The following ABCC6 variants were observed in gnomAD, a reference collection of about 807,000 sequenced individuals.
ABCC6 encodes the protein ATP binding cassette subfamily C member 6.
In ABCC6, 126 loss-of-function variants were observed where a neutral mutation model predicts 169.5. The ratio of observed to expected loss-of-function variants is 0.74; its 90% CI spans 0.64 to 0.86. The LOEUF (loss-of-function observed/expected upper bound fraction) is 0.86. Ranked by LOEUF, ABCC6 falls within the 40% of genes least tolerant of loss-of-function variation. The probability of loss-of-function intolerance (pLI) is 0.00; values close to 1 mark genes in which losing one functional copy is unlikely to be tolerated. For missense variants in ABCC6, 1,733 were observed against 1,927.2 expected (o/e 0.90, Z 1.89); for synonymous variants, 752 against 814.7 (o/e 0.92, Z 1.31).
At chr16:16,155,365 T>C (rs200844808) in intron 27 of ABCC6, 3 of 243,768 alleles carry the variant, frequency 1.2e-5, no homozygotes, top group South Asian at 1.0e-4. Flanking sequence ...CCCATCCATC[T>C]GTCTGTCCGT....
At position 16,203,525 on chromosome 16, in the gene ABCC6, G is replaced by T. The variant is rs1176189532; in HGVS notation, c.883C>A (p.Gln295Lys). The T allele has an allele frequency of 1.9e-6, 3 of 1,614,000 alleles. No individual in the cohort carries two copies. The highest frequency in any genetic ancestry group is 2.2e-5 in the South Asian group (2 of 91,076). The part of the protein sequence containing the change: ...TEPFLRQEGS[Q>K]WRPLLKAIWQ... Reference sequence around the variant, plus strand: ...ATGGCCTTCAGCAGTGGGCGCCACTGGCTCCCTTCTTGCCGTAGGAAGGGC... The same window carrying T: ...ATGGCCTTCAGCAGTGGGCGCCACTTGCTCCCTTCTTGCCGTAGGAAGGGC... Residue 295 changes from glutamine (Q) to lysine (K), a missense_variant, in exon 8 of 31, where the codon CAG (glutamine) becomes AAG (lysine). This residue lies in a region of ABCC6 where 1,601 missense variants were observed against 1,635.5 expected (regional missense o/e 0.98). Transcript: ENST00000205557.
intron 6 of ABCC6, among the ~76,000 whole-genome samples, chr16:16,209,343 CA>C (rs2048514835): frequency 6.6e-6 from 1 of 152,120 alleles, no homozygotes; most frequent in Non-Finnish European, 1.5e-5. Context: ...CTCAGCCTCC[CA>C]AAGTGCTGGG....
intron 23 of ABCC6, among the ~76,000 whole-genome samples, chr16:16,163,474 G>T (rs996289816): frequency 2.0e-5 from 3 of 152,130 alleles, no homozygotes; most frequent in Non-Finnish European, 4.4e-5. Flanking sequence ...CTTGACTTTG[G>T]TGCTGTTTAA....
chr16:16,192,226 G>A (rs1327404353), intron 11 of ABCC6, among the ~76,000 whole-genome samples: 1 of 152,164 alleles, frequency 6.6e-6, no homozygotes, highest in Admixed American at 6.6e-5. Flanking sequence ...CAGGTTTGAG[G>A]ATGGGAGATG....
intron 15 of ABCC6, among the ~76,000 whole-genome samples, chr16:16,183,365 C>A (rs1022482300): frequency 2.0e-5 from 3 of 152,148 alleles, no homozygotes; most frequent in Non-Finnish European, 2.9e-5. Flanking sequence ...GATAAATAGG[C>A]TCTTTCCTCC....
chr16:16,205,700 C>T lies in ABCC6; in HGVS notation c.795-2087G>A, dbSNP rs1194078803. On this transcript the variant is annotated intron_variant, in intron 7 of 30. Coordinates refer to ENST00000205557, the MANE Select transcript of ABCC6 (RefSeq NM_001171.6). Reference sequence around the variant, plus strand: ...CCTGCCATTTAATTCATTGCCTTCACAGCCATGTCCATGGCTCCAACCCTC... The same window carrying T: ...CCTGCCATTTAATTCATTGCCTTCATAGCCATGTCCATGGCTCCAACCCTC... Among the ~76,000 whole-genome samples the T allele has an allele frequency of 3.3e-5, 5 of 152,208 alleles. No individual in the cohort carries two copies. In the East Asian group the frequency reaches 5.8e-4, roughly 18 times the overall value.
chr16:16,166,928 A>G (rs74856701), intron 22 of ABCC6, among the ~76,000 whole-genome samples: 1 of 152,116 alleles, frequency 6.6e-6, no homozygotes, highest in Non-Finnish European at 1.5e-5. Context: ...CAAAAAAACC[A>G]AAAAAACCTC....
At chr16:16,168,782 C>A (rs529726056) in intron 22 of ABCC6, among the ~76,000 whole-genome samples, 1 of 152,082 alleles carries the variant, frequency 6.6e-6, no homozygotes, top group Non-Finnish European at 1.5e-5. Flanking sequence ...CTGGGGAAAT[C>A]ACAATGAGAT....
chr16:16,172,119 GATAAATGA>G (rs2047113778), intron 21 of ABCC6, among the ~76,000 whole-genome samples: 2 of 56,972 alleles, frequency 3.5e-5, no homozygotes, highest in Admixed American at 1.9e-4. Flanking sequence ...GGGTGGGATG[GATAAATGA>G]ATGGATGGGA....
Position 16,195,303 on chromosome 16 carries a change from ATTTTTTT to A in ABCC6, c.1339-2388_1339-2382del, listed in dbSNP as rs61393724. Among the ~76,000 whole-genome samples the A allele has an allele frequency of 2.5e-3, 243 of 96,608 alleles. 1 individual carries two copies. In the East Asian group the frequency reaches 0.026, roughly 10 times the overall value. The allele number at this position is 96,608 out of a possible 152,430, so 63.4% of individuals were successfully genotyped here. A position where few individuals can be genotyped will look rare whatever the true frequency, so the allele number is the denominator to read the frequency against. On this transcript the variant is annotated intron_variant, in intron 10 of 30. Transcript: ENST00000205557. ...ATGGATATCTTGTTGGTCTCATCTA[ATTTTTTT>A]TTTTTTTTTTTTTTTTTTTTTAGAA...
At chr16:16,152,981 C>T (rs949259179) in intron 29 of ABCC6, among the ~76,000 whole-genome samples, 3 of 152,078 alleles carry the variant, frequency 2.0e-5, no homozygotes, top group Admixed American at 6.6e-5. Context: ...ACTGAAACCT[C>T]TGCCTCCCGG....
intron 23 of ABCC6, 87 bp from the exon 24 acceptor site, chr16:16,163,279 G>A: frequency 7.7e-7 from 1 of 1,292,972 alleles, no homozygotes; most frequent in Non-Finnish European, 1.1e-6. Context: ...CCAAGTACAG[G>A]ATTCCAGACC....
rs1245061920 is a variant in ABCC6 at position 16,190,490 on chromosome 16, C to T, written c.1432-123G>A. ...CCAAACTGCGTCCCAAACCTGTCTG[C>T]CTCTCAGCACCTCTGACCCTCACTC... On this transcript the variant is annotated intron_variant, in intron 11 of 30. Coordinates refer to ENST00000205557, the MANE Select transcript of ABCC6 (RefSeq NM_001171.6). The T allele has an allele frequency of 3.0e-6, 3 of 984,374 alleles. No individual in the cohort carries two copies. In the East Asian group the frequency reaches 7.8e-5, roughly 25 times the overall value. The allele number at this position is 984,374 out of a possible 1,614,324, so 61.0% of individuals were successfully genotyped here.
intron 24 of ABCC6, among the ~76,000 whole-genome samples, chr16:16,162,025 G>C (rs1429972307): frequency 6.6e-6 from 1 of 152,132 alleles, no homozygotes; most frequent in East Asian, 1.9e-4. Context: ...GGCGTAAAAG[G>C]ATGCGGCAGT....
At position 16,150,679 on chromosome 16, in the gene ABCC6, A is replaced by G. The variant is rs763012366; in HGVS notation, c.4302T>C (p.Pro1434=). 4 of 1,613,742 alleles carry G rather than the reference A, an allele frequency of 2.5e-6. No homozygotes were observed. In the Admixed American group the frequency reaches 5.0e-5, roughly 20 times the overall value. Residue 1434 remains proline (P), a synonymous_variant, in exon 30 of 31, where the codon CCT becomes CCC. Transcript: ENST00000205557. ...TGGCCTGCATCTGCAGCTCCGTGCC[A>G]GGGTCCACGGCAGCAGTAGCCTCGT... The part of the protein sequence containing the change: ...ILDEATAAVD[P]GTELQMQAML...
At chr16:16,217,929 A>C (rs2141214034) in intron 4 of ABCC6, among the ~76,000 whole-genome samples, 1 of 152,294 alleles carries the variant, frequency 6.6e-6, no homozygotes, top group African/African-American at 2.4e-5. Context: ...GTCTCTACTA[A>C]AAATACAAAA....
intron 17 of ABCC6, among the ~76,000 whole-genome samples, chr16:16,182,149 C>T (rs1341853147): frequency 2.0e-5 from 3 of 152,170 alleles, no homozygotes; most frequent in African/African-American, 7.2e-5. Context: ...TAGGTCTTCT[C>T]ACTCTCAGTT....
At position 16,182,473 on chromosome 16, in the gene ABCC6, C is replaced by G. The variant is rs1234291801; in HGVS notation, c.2186G>C (p.Cys729Ser). The change falls in exon 17 of 31, where the codon TGT (cysteine) becomes TCT (serine). Residue 729 changes from cysteine to serine, a missense_variant. Around this residue, in one of 5 missense-constraint regions of ABCC6, gnomAD observed 1,601 missense variants for 1,635.5 expected, o/e 0.98. Coordinates refer to ENST00000205557, the MANE Select transcript of ABCC6 (RefSeq NM_001171.6). ...GCTGTCCACATCTGGCTGCAGGGCA[C>G]AGGCTTCTAGTACTCTCTCCAGCCA... ...PPWLERVLEA[C>S]ALQPDVDSFP... The G allele has an allele frequency of 1.2e-6, 2 of 1,614,182 alleles. No individual in the cohort carries two copies. Among genetic ancestry groups the G allele is most frequent in the Non-Finnish European group, 1.7e-6 (2 of 1,180,044 alleles).
intron 6 of ABCC6, among the ~76,000 whole-genome samples, chr16:16,211,095 C>CA (rs200718671): frequency 0.31 from 43,839 of 142,782 alleles, 6,775 homozygotes; most frequent in South Asian, 0.44. Flanking sequence ...AACTCTGTCT[C>CA]AAAAAAAAAA....
Sources: gnomAD v4.1 joint callset for allele counts (sites outside exome capture counted in the v4.1 genomes callset) on GRCh38, gnomAD v4.1.1 for gene constraint, gnomAD v4.1.1 regional missense constraint, MANE v1.5 for transcripts, NCBI Gene and HGNC (gene_info 2026-07-23, HGNC 2026-07-21) for gene names.